Variants in MCM9 observed in about 807,000 individuals in gnomAD.
MCM9 encodes minichromosome maintenance 9 homologous recombination repair factor.
MCM9 carries 55 observed loss-of-function variants against 72.8 expected under a neutral mutation model. That is an observed-to-expected ratio of 0.76 (90% CI 0.61 to 0.95). The LOEUF (loss-of-function observed/expected upper bound fraction) is 0.95, where lower values mean the gene tolerates loss of function less well. MCM9 is among the 40% of genes least tolerant of loss of function. The probability of loss-of-function intolerance (pLI) is 0.00; values close to 1 mark genes in which losing one functional copy is unlikely to be tolerated. For synonymous variants in MCM9, 480 were observed against 503.4 expected (o/e 0.95, Z 0.62); for missense variants, 1,279 against 1,377.0 (o/e 0.93, Z 1.13).
chr6:118,893,506 C>A (rs898041305), intron 8 of MCM9, among the ~76,000 whole-genome samples: 9 of 152,036 alleles, frequency 5.9e-5, no homozygotes, highest in Non-Finnish European at 1.2e-4. Context: ...GGTGCAAGCC[C>A]AAAGGTTACC....
rs1236379663 is a variant in MCM9 at position 118,826,840 on chromosome 6, T to A, written c.1757A>T (p.Asp586Val). Residue 586 changes from aspartate (D) to valine (V), a missense_variant, in exon 12 of 14, where the codon GAT becomes GTT. Asp to Val is a radical substitution (Grantham distance 152). Coordinates refer to ENST00000619706, the MANE Select transcript of MCM9 (RefSeq NM_017696.3). ...AATAGCGTCTTCCAGAGTTACAGTA[T>A]CACGAAACATCAGGCGAGCATGAGC... ...AEAHARLMFRDTVTLEDAITV... is the reference protein window; with the variant it reads ...AEAHARLMFRVTVTLEDAITV... The A allele has an allele frequency of 6.5e-7, 1 of 1,550,362 alleles. No individual in the cohort carries two copies. The highest frequency in any genetic ancestry group is 8.7e-7 in the Non-Finnish European group (1 of 1,146,918).
At chr6:118,928,854 CAAA>C (rs574118895) in intron 3 of MCM9, among the ~76,000 whole-genome samples, 1 of 128,224 alleles carries the variant, frequency 7.8e-6, no homozygotes, top group Non-Finnish European at 1.7e-5. Flanking sequence ...GACCCTGTCT[CAAA>C]AAAAAAAAAA....
At chr6:118,930,709 T>A (rs1295693652) in intron 3 of MCM9, among the ~76,000 whole-genome samples, 3 of 152,206 alleles carry the variant, frequency 2.0e-5, no homozygotes, top group Non-Finnish European at 4.4e-5. Context: ...CCAATTCTTC[T>A]CTTTCGCCAC....
chr6:118,828,499 C>T (rs1774319306), intron 10 of MCM9, among the ~76,000 whole-genome samples: 1 of 152,024 alleles, frequency 6.6e-6, no homozygotes, highest in Admixed American at 6.5e-5. Context: ...AATTCTCCTG[C>T]CTCAGCCTCT....
At position 118,816,032 on chromosome 6, in the gene MCM9, A is replaced by T; in HGVS notation, c.2224T>A (p.Leu742Ile). The T allele has an allele frequency of 6.4e-7, 1 of 1,550,424 alleles. No individual in the cohort carries two copies. The highest frequency in any genetic ancestry group is 1.7e-4 in the Middle Eastern group (1 of 5,986). ...GTTGCCATGAAATCAAACCAATCTA[A>T]ACTGTCATCTCTGTTATTTTTGTGC... is the stretch of plus-strand genomic sequence containing the variant. ...AQHKNNRDDS[L>I]DWFDFMATHQ... The change falls in exon 14 of 14, where the codon TTA (leucine) becomes ATA (isoleucine). Residue 742 changes from leucine (L) to isoleucine (I), a missense_variant. By Grantham distance (5) the Leu-to-Ile change is conservative. Transcript: ENST00000619706.
intron 8 of MCM9, among the ~76,000 whole-genome samples, chr6:118,860,688 A>T (rs992197085): frequency 5.3e-5 from 8 of 151,536 alleles, no homozygotes; most frequent in African/African-American, 1.5e-4. Flanking sequence ...ATCAAAGATT[A>T]AAAAAAAATC....
At chr6:118,903,589 G>A (rs1355397511) in intron 8 of MCM9, among the ~76,000 whole-genome samples, 2 of 152,128 alleles carry the variant, frequency 1.3e-5, no homozygotes, top group Non-Finnish European at 2.9e-5. Flanking sequence ...CATAAAAAAG[G>A]AATCTATTGA....
In MCM9 at chr6:118,815,602, T is replaced by C. The variant is rs765968852; in HGVS notation, c.2654A>G (p.Asp885Gly). The C allele has an allele frequency of 8.4e-6, 13 of 1,550,466 alleles. No homozygotes were observed. Among genetic ancestry groups the C allele is most frequent in the South Asian group, 7.1e-5 (6 of 84,058 alleles). ...TCTTTTGGGTGAGTCCAGCATTCTG[T>C]CTGGGCTATGTACAGGAGTGGACTG... Reference protein sequence around the residue: ...HPQSTPVHSPDRMLDSPKRKR... With the variant: ...HPQSTPVHSPGRMLDSPKRKR... Residue 885 changes from aspartate to glycine, a missense_variant, in exon 14 of 14, where the codon GAC (aspartate) becomes GGC (glycine). Asp to Gly is a moderately conservative substitution (Grantham distance 94, BLOSUM62 -1). Coordinates refer to ENST00000619706, the MANE Select transcript of MCM9 (RefSeq NM_017696.3).
At chr6:118,934,588 C>G (rs765362967) in intron 1 of MCM9, 2 of 151,998 alleles carry the variant, frequency 1.3e-5, no homozygotes, top group Non-Finnish European at 2.9e-5. Flanking sequence ...CCTCTCACTG[C>G]GGGGGCGCGC....
intron 8 of MCM9, among the ~76,000 whole-genome samples, chr6:118,887,868 G>A (rs1021455112): frequency 1.3e-5 from 2 of 152,164 alleles, no homozygotes; most frequent in African/African-American, 2.4e-5. Flanking sequence ...GGAGGTTGAG[G>A]TGGGAAGATC....
At chr6:118,844,833 C>G (rs544728898) in intron 9 of MCM9, among the ~76,000 whole-genome samples, 2 of 151,862 alleles carry the variant, frequency 1.3e-5, no homozygotes, top group Non-Finnish European at 2.9e-5. Context: ...CCAGCGCTGA[C>G]AAACAGACTC....
Position 118,814,596 on chromosome 6 carries a change from A to G in MCM9, c.*228T>C, listed in dbSNP as rs1007423151. 5 of 380,324 alleles carry G rather than the reference A, an allele frequency of 1.3e-5. No homozygotes were observed. The highest frequency in any genetic ancestry group is 6.8e-4 in the Middle Eastern group (1 of 1,468). The allele number at this position is 380,324 out of a possible 1,614,324, so 23.6% of individuals were successfully genotyped here. ...CTCCATTTGTAAAATTAAGCACAAC[A>G]TAATTAATTCAGCTCAGCTGCTGGT... On this transcript the variant is annotated 3_prime_UTR_variant, in exon 14 of 14. Transcript: ENST00000619706.
chr6:118,861,799 G>A (rs1222483345), intron 8 of MCM9, among the ~76,000 whole-genome samples: 1 of 152,194 alleles, frequency 6.6e-6, no homozygotes, highest in Non-Finnish European at 1.5e-5. Context: ...TCCAGAACCG[G>A]CAGCCTAGCC....
intron 7 of MCM9, 100 bp from the exon 8 acceptor site, chr6:118,911,869 A>G (rs1225361660): frequency 7.0e-6 from 6 of 853,630 alleles, no homozygotes; most frequent in Non-Finnish European, 9.0e-6. Flanking sequence ...GTACTTTTAC[A>G]TAGGGTCGTT....
intron 1 of MCM9, among the ~76,000 whole-genome samples, chr6:118,934,097 G>C (rs1209121232): frequency 6.6e-6 from 1 of 152,142 alleles, no homozygotes; most frequent in East Asian, 1.9e-4. Context: ...GGCAGGAAAA[G>C]GGCAGCAGCA....
chr6:118,869,268 G>A (rs1292230363), intron 8 of MCM9, among the ~76,000 whole-genome samples: 1 of 152,068 alleles, frequency 6.6e-6, no homozygotes, highest in African/African-American at 2.4e-5. Flanking sequence ...CTGGGGGTGG[G>A]GAACTGGGGG....
intron 8 of MCM9, chr6:118,907,263 C>G (rs1290631932): frequency 4.9e-6 from 3 of 618,042 alleles, no homozygotes; most frequent in Non-Finnish European, 8.6e-6. Context: ...ATTTAAGGTA[C>G]TTAACTTGAA....
Position 118,922,194 on chromosome 6 carries a change from C to T in MCM9, c.622-108G>A, listed in dbSNP as rs565663538. 19 of 744,316 alleles carry T rather than the reference C, an allele frequency of 2.6e-5. No homozygotes were observed. In the South Asian group the frequency reaches 2.8e-4, roughly 11 times the overall value. The allele number at this position is 744,316 out of a possible 1,614,324, so 46.1% of individuals were successfully genotyped here. On this transcript the variant is annotated intron_variant, in intron 4 of 13. Transcript: ENST00000619706. ...ATTTTTATTTCTCTGGTATATCATA[C>T]GATTTAATTATAATGGGGATTTAAG...
intron 8 of MCM9, among the ~76,000 whole-genome samples, chr6:118,896,041 GT>G (rs200142006): frequency 0.093 from 12,841 of 138,472 alleles, 729 homozygotes; most frequent in East Asian, 0.21. Flanking sequence ...ATGTGCCCCC[GT>G]TTTTTTTTTT....
Sources: gnomAD v4.1 joint callset for allele counts (sites outside exome capture counted in the v4.1 genomes callset) on GRCh38, gnomAD v4.1.1 for gene constraint, MANE v1.5 for transcripts, NCBI Gene and HGNC (gene_info 2026-07-23, HGNC 2026-07-21) for gene names.